FAM171A1: variants seen among roughly 807,000 people sequenced by gnomAD.
FAM171A1 encodes protein FAM171A1.
Under a neutral mutation model 74.9 loss-of-function variants are expected in FAM171A1, and 23 were observed. That is an observed-to-expected ratio of 0.31 (90% CI 0.22 to 0.44). The LOEUF is 0.44. FAM171A1 is among the 20% of genes least tolerant of loss of function. The probability of loss-of-function intolerance (pLI) is 1.00; values close to 1 mark genes in which losing one functional copy is unlikely to be tolerated. For synonymous variants in FAM171A1, 527 were observed against 505.7 expected (o/e 1.04, Z -0.57); for missense variants, 1,162 against 1,159.2 (o/e 1.00, Z -0.03).
chr10:15,323,409 C>G (rs538221869), intron 1 of FAM171A1, among the ~76,000 whole-genome samples: 1 of 152,096 alleles, frequency 6.6e-6, no homozygotes, highest in Admixed American at 6.6e-5. Flanking sequence ...GCAGAGATCA[C>G]GCCATTGCAC....
chr10:15,329,219 C>T (rs1248881161), intron 1 of FAM171A1, among the ~76,000 whole-genome samples: 1 of 152,202 alleles, frequency 6.6e-6, no homozygotes, highest in Non-Finnish European at 1.5e-5. Flanking sequence ...GAACTACAAA[C>T]TGAGAGCTTA....
At position 15,254,897 on chromosome 10, in the gene FAM171A1, C is replaced by G. The variant is rs183863223; in HGVS notation, c.419-18G>C. On this transcript the variant is annotated intron_variant, in intron 3 of 7. Transcript: ENST00000378116. The stretch of plus-strand genomic sequence containing the variant: ...CCGGGCACCTGCAGAGATTAACCTC[C>G]GAGTTATCTCCCCCAGGAGCAGTTT... The G allele has an allele frequency of 1.2e-6, 2 of 1,606,376 alleles. No homozygotes were observed. The highest frequency in any genetic ancestry group is 2.2e-5 in the South Asian group (2 of 90,800).
intron 2 of FAM171A1, 21 bp from the exon 3 acceptor site, chr10:15,275,968 T>G (rs199664712): frequency 1.3e-6 from 2 of 1,566,066 alleles, no homozygotes; most frequent in Admixed American, 1.8e-5. Context: ...AAGAAATGGA[T>G]AGAAGGGGAT....
chr10:15,220,996 G>T lies in FAM171A1; in HGVS notation c.819C>A (p.Tyr273Ter). 2 of 1,614,174 alleles carry T rather than the reference G, an allele frequency of 1.2e-6. No homozygotes were observed. The highest frequency in any genetic ancestry group is 1.7e-6 in the Non-Finnish European group (2 of 1,180,028). Residue 273 changes from tyrosine to a stop codon, truncating the protein, a stop_gained, in exon 6 of 8, where the codon TAC becomes TAA. Coordinates refer to ENST00000378116, the MANE Select transcript of FAM171A1 (RefSeq NM_001010924.2). LOFTEE classifies it high-confidence loss of function. The part of the protein sequence containing the change: ...HQEGSQLTWT[Y>*]IAPQLGYWVA... ...CCCAGTACCCCAACTGGGGGGCAATGTATGTCCACGTCAGCTGGCTGCCTT... is the reference window on the plus strand; with the variant it reads ...CCCAGTACCCCAACTGGGGGGCAATTTATGTCCACGTCAGCTGGCTGCCTT...
chr10:15,217,808 T>C (rs1833985360), intron 6 of FAM171A1, among the ~76,000 whole-genome samples: 1 of 151,848 alleles, frequency 6.6e-6, no homozygotes, highest in Non-Finnish European at 1.5e-5. Context: ...TGGCTAATTT[T>C]TTTAAGTAGA....
intron 5 of FAM171A1, among the ~76,000 whole-genome samples, chr10:15,235,804 A>T (rs10906870): frequency 0.11 from 17,495 of 152,196 alleles, 1,044 homozygotes; most frequent in Middle Eastern, 0.17. Context: ...CCAGGCCTCA[A>T]AGAAGCGGTC....
intron 1 of FAM171A1, among the ~76,000 whole-genome samples, chr10:15,314,013 C>T (rs1299535103): frequency 1.3e-5 from 2 of 152,178 alleles, no homozygotes; most frequent in Non-Finnish European, 2.9e-5. Context: ...GTTATCTTTC[C>T]TGAAGCCTTT....
At chr10:15,335,648 A>G (rs912672112) in intron 1 of FAM171A1, among the ~76,000 whole-genome samples, 16 of 152,216 alleles carry the variant, frequency 1.1e-4, no homozygotes, top group Non-Finnish European at 2.1e-4. Flanking sequence ...AACTTGTTTG[A>G]TTCACAGCCT....
At chr10:15,300,883 T>C (rs1372406414) in intron 1 of FAM171A1, among the ~76,000 whole-genome samples, 1 of 152,168 alleles carries the variant, frequency 6.6e-6, no homozygotes, top group African/African-American at 2.4e-5. Flanking sequence ...AATTAGCCGA[T>C]TGTTTCCCAA....
At chr10:15,299,789 T>C (rs1293041055) in intron 1 of FAM171A1, among the ~76,000 whole-genome samples, 1 of 152,156 alleles carries the variant, frequency 6.6e-6, no homozygotes, top group East Asian at 1.9e-4. Context: ...CCATCCTGGC[T>C]AACACGATGA....
At chr10:15,301,474 A>AT (rs1835228565) in intron 1 of FAM171A1, among the ~76,000 whole-genome samples, 1 of 151,730 alleles carries the variant, frequency 6.6e-6, no homozygotes, top group South Asian at 2.1e-4. Flanking sequence ...AAGTGCTGGG[A>AT]TTACAGGCAT....
intron 4 of FAM171A1, among the ~76,000 whole-genome samples, chr10:15,254,307 AG>A (rs1478507185): frequency 2.0e-5 from 3 of 152,040 alleles, no homozygotes; most frequent in Non-Finnish European, 4.4e-5. Flanking sequence ...AGTCTCTACC[AG>A]CCCCACCCAC....
chr10:15,264,487 T>G (rs1409030501), intron 3 of FAM171A1, among the ~76,000 whole-genome samples: 1 of 152,150 alleles, frequency 6.6e-6, no homozygotes, highest in East Asian at 1.9e-4. Flanking sequence ...ATTTATAAAT[T>G]CAGTATTGTA....
At chr10:15,316,515 C>G (rs758748131) in intron 1 of FAM171A1, among the ~76,000 whole-genome samples, 4 of 152,188 alleles carry the variant, frequency 2.6e-5, no homozygotes, top group Non-Finnish European at 5.9e-5. Context: ...AGAAACCATT[C>G]CAGTCTGCAG....
At chr10:15,314,964 G>A (rs953806661) in intron 1 of FAM171A1, among the ~76,000 whole-genome samples, 3 of 152,172 alleles carry the variant, frequency 2.0e-5, no homozygotes, top group African/African-American at 7.2e-5. Flanking sequence ...GCTGAGCCTA[G>A]CCTTTCCTCA....
At chr10:15,360,446 C>T (rs1032824466) in intron 1 of FAM171A1, among the ~76,000 whole-genome samples, 1 of 152,180 alleles carries the variant, frequency 6.6e-6, no homozygotes, top group Non-Finnish European at 1.5e-5. Context: ...CCCTCTAGAT[C>T]AAATACTCTC....
chr10:15,253,701 C>G (rs1424637575), intron 4 of FAM171A1, among the ~76,000 whole-genome samples: 5 of 152,200 alleles, frequency 3.3e-5, no homozygotes, highest in Non-Finnish European at 7.3e-5. Context: ...CAGTGAGTTA[C>G]TCTCCTAGCA....
In FAM171A1 at chr10:15,263,612, G is replaced by T. The variant is rs141002195; in HGVS notation, c.419-8733C>A. Among the ~76,000 whole-genome samples the T allele has an allele frequency of 3.3e-4, 50 of 152,276 alleles. 1 individual carries two copies. The highest frequency in any genetic ancestry group is 1.1e-3 in the African/African-American group (44 of 41,556). On this transcript the variant is annotated intron_variant, in intron 3 of 7. Transcript: ENST00000378116. The stretch of plus-strand genomic sequence containing the variant: ...ACCTAACACTGCAGAGAATACGTGT[G>T]AGTCTTCTGACCCTTCCCCTCACCA...
At chr10:15,301,362 A>T (rs11259599) in intron 1 of FAM171A1, among the ~76,000 whole-genome samples, 34,461 of 141,130 alleles carry the variant, frequency 0.24, 4,404 homozygotes, top group African/African-American at 0.27. Context: ...ATATATATAT[A>T]TTTTTTTTTT....
Sources: allele counts gnomAD v4.1 joint callset (sites outside exome capture counted in the v4.1 genomes callset), GRCh38; gene constraint gnomAD v4.1.1; transcripts MANE v1.5; gene names NCBI Gene and HGNC (gene_info 2026-07-23, HGNC 2026-07-21).